The following TFPI2 variants were observed in gnomAD, a reference collection of about 807,000 sequenced individuals.
The protein encoded by TFPI2 is tissue factor pathway inhibitor 2.
TFPI2 carries 23 observed loss-of-function variants against 23.1 expected under a neutral mutation model. That is an observed-to-expected ratio of 1.00 (90% confidence interval 0.72 to 1.41). TFPI2 has a LOEUF of 1.41. Among genes scored for constraint, TFPI2 ranks in the 40% most tolerant of loss-of-function variants. The probability of loss-of-function intolerance (pLI) is 0.00; values close to 1 mark genes in which losing one functional copy is unlikely to be tolerated. For missense variants in TFPI2, 291 were observed against 299.6 expected (o/e 0.97, Z 0.21); for synonymous variants, 119 against 111.7 (o/e 1.07, Z -0.41).
In TFPI2 at chr7:93,890,142, A is replaced by G. The variant is rs1336183455; in HGVS notation, c.266T>C (p.Ile89Thr). Residue 89 changes from isoleucine (I) to threonine (T), a missense_variant, in exon 2 of 5, where the codon ATA (isoleucine) becomes ACA (threonine). By Grantham distance (89) the Ile-to-Thr change is moderately conservative (BLOSUM62 -1). Coordinates refer to ENST00000222543, the MANE Select transcript of TFPI2 (RefSeq NM_006528.4). ...WEACDDACWR[I>T]EKVPKVCRLQ... is the part of the protein sequence containing the mutation. ...GGTGCGCGCAGGGCACTTACTTTCT[A>G]TCCTCCAGCAAGCATCGTCGCAAGC... 8 of 1,600,042 alleles carry G rather than the reference A, an allele frequency of 5.0e-6. 1 individual carries two copies. The highest frequency in any genetic ancestry group is 1.3e-5 in the African/African-American group (1 of 74,630).
chr7:93,890,580 C>A lies in TFPI2; in HGVS notation c.88+11G>T. 1 of 1,612,224 alleles carries A rather than the reference C, an allele frequency of 6.2e-7. No homozygotes were observed. Among genetic ancestry groups the A allele is most frequent in the Non-Finnish European group, 8.5e-7 (1 of 1,179,312 alleles). ...CGGTTGGGGAGAGAAGCTCCTGGAG[C>A]GGCCAGATACCTGTTGGCTCCTGAG... On this transcript the variant is annotated intron_variant, in intron 1 of 4. Transcript: ENST00000222543.
chr7:93,889,263 T>C lies in TFPI2; in HGVS notation c.272-40A>G, dbSNP rs371156420. The C allele has an allele frequency of 3.4e-5, 51 of 1,508,630 alleles. No individual in the cohort carries two copies. In the Middle Eastern group the frequency reaches 5.3e-4, roughly 16 times the overall value. 93.5% of individuals were successfully genotyped at this position (1,508,630 alleles called of 1,614,324 possible). On this transcript the variant is annotated intron_variant, in intron 2 of 4. Coordinates refer to ENST00000222543, the MANE Select transcript of TFPI2 (RefSeq NM_006528.4). Reference sequence around the variant, plus strand: ...GTAATAGAACAATGTTAGTCAAAAGTAGCCTTCTTATTAAACCATCACTGT... The same window carrying C: ...GTAATAGAACAATGTTAGTCAAAAGCAGCCTTCTTATTAAACCATCACTGT...
In TFPI2 at chr7:93,886,913, G is replaced by A. The variant is rs918390332; in HGVS notation, c.632-17C>T. 11 of 1,522,488 alleles carry A rather than the reference G, an allele frequency of 7.2e-6. No homozygotes were observed. The highest frequency in any genetic ancestry group is 2.4e-5 in the East Asian group (1 of 40,878). 94.3% of individuals were successfully genotyped at this position (1,522,488 alleles called of 1,614,324 possible). A position where few individuals can be genotyped will look rare whatever the true frequency, so the allele number is the denominator to read the frequency against. On this transcript the variant is annotated splice_polypyrimidine_tract_variant and intron_variant, in intron 4 of 4. Coordinates refer to ENST00000222543, the MANE Select transcript of TFPI2 (RefSeq NM_006528.4). ...TTTTCAAAGCTAAAATCAATAAAAC[G>A]ACAATGAAAATCATACATCTCCAGT...
In TFPI2 at chr7:93,886,017, T is replaced by C. The variant is rs1793983575; in HGVS notation, c.*803A>G. 6.6e-6 allele frequency: 1 copy of C among 152,072 alleles called. No homozygotes were observed. The highest frequency in any genetic ancestry group is 1.5e-5 in the Non-Finnish European group (1 of 67,916). The allele number at this position is 152,072 out of a possible 1,614,324, so 9.4% of individuals were successfully genotyped here. A position where few individuals can be genotyped will look rare whatever the true frequency, so the allele number is the denominator to read the frequency against. On this transcript the variant is annotated 3_prime_UTR_variant, in exon 5 of 5. Transcript: ENST00000222543. ...AAATTTATGCATGGTTTCTCATGCA[T>C]GGTTTATATAAATAAACACCTTAAA...
intron 1 of TFPI2, 121 bp downstream of exon 1, chr7:93,890,470 A>C: frequency 7.1e-7 from 1 of 1,412,524 alleles, no homozygotes; most frequent in Non-Finnish European, 9.5e-7. Context: ...CCCCCCTGCC[A>C]GCGGAGCGCG....
At chr7:93,889,861 T>G (rs1794089719) in intron 2 of TFPI2, 1 of 317,892 alleles carries the variant, frequency 3.1e-6, no homozygotes, top group Non-Finnish European at 5.7e-6. Context: ...GTTATTCTCT[T>G]GCATTTATTA....
In TFPI2 at chr7:93,886,839, A is replaced by G. The variant is rs1454188777; in HGVS notation, c.689T>C (p.Ile230Thr). The change falls in exon 5 of 5, where the codon ATT becomes ACT. Residue 230 changes from isoleucine (I) to threonine (T), a missense_variant. Transcript: ENST00000222543. ...KLRFASRIRK[I>T]RKKQF ...GAATGTTTAAAATTGCTTCTTCCGA[A>G]TTTTCCGGATTCTACTGGCAAAGCG... The G allele has an allele frequency of 6.4e-7, 1 of 1,554,918 alleles. No individual in the cohort carries two copies. Among genetic ancestry groups the G allele is most frequent in the Admixed American group, 2.2e-5 (1 of 45,258 alleles).
chr7:93,886,945 G>T, intron 4 of TFPI2, 49 bp from the exon 5 acceptor site: 1 of 1,326,714 alleles, frequency 7.5e-7, no homozygotes, highest in Non-Finnish European at 1.0e-6. Context: ...CAGTCTGTAG[G>T]CTCACTATAA....
chr7:93,888,661 G>GAGA (rs1200916209), intron 3 of TFPI2, among the ~76,000 whole-genome samples: 99 of 130,032 alleles, frequency 7.6e-4, no homozygotes, highest in African/African-American at 2.4e-3. Context: ...GAAAGAGAAA[G>GAGA]AAGAAAAAAA....
At position 93,890,673 on chromosome 7, in the gene TFPI2, G is replaced by A. The variant is rs768688442; in HGVS notation, c.6C>T (p.Asp2=). 4 of 1,612,520 alleles carry A rather than the reference G, an allele frequency of 2.5e-6. No individual in the cohort carries two copies. The highest frequency in any genetic ancestry group is 3.3e-4 in the Middle Eastern group (2 of 6,000). ...TCGACAGCCCCAGGGGGCGAGCGGGGTCCATGGTGCAGGGGGTCGGGCGGC... is the reference window on the plus strand; with the variant it reads ...TCGACAGCCCCAGGGGGCGAGCGGGATCCATGGTGCAGGGGGTCGGGCGGC... M[D]PARPLGLSIL... Residue 2 remains aspartate, a synonymous_variant, in exon 1 of 5, where the codon GAC becomes GAT. Coordinates refer to ENST00000222543, the MANE Select transcript of TFPI2 (RefSeq NM_006528.4).
chr7:93,889,939 T>C (rs1000586619), intron 2 of TFPI2, 198 bp downstream of exon 2: 3 of 516,672 alleles, frequency 5.8e-6, no homozygotes, highest in East Asian at 6.6e-5. Flanking sequence ...TCAATGTCAG[T>C]TGGGAGACAG....
chr7:93,887,899 T>C lies in TFPI2; in HGVS notation c.461-468A>G, dbSNP rs373577707. ...TTATATGTACACAAACAAGAGAACA[T>C]CCACAGTAACCATCACCACATTAAC... On this transcript the variant is annotated intron_variant, in intron 3 of 4. Transcript: ENST00000222543. Among the ~76,000 whole-genome samples the C allele has an allele frequency of 1.2e-4, 18 of 152,336 alleles. No individual in the cohort carries two copies. The East Asian group carries it at 3.3e-3, about 28-fold the overall frequency.
chr7:93,890,292 G>C lies in TFPI2; in HGVS notation c.116C>G (p.Pro39Arg). 6.2e-7 allele frequency: 1 copy of C among 1,611,330 alleles called. No individual in the cohort carries two copies. Among genetic ancestry groups the C allele is most frequent in the Non-Finnish European group, 8.5e-7 (1 of 1,178,176 alleles). Residue 39 changes from proline (P) to arginine (R), a missense_variant, in exon 2 of 5, where the codon CCC becomes CGC. Physicochemically the swap from Pro to Arg is moderately radical, Grantham distance 103. Transcript: ENST00000222543. Reference protein sequence around the residue: ...TGNNAEICLLPLDYGPCRALL... With the variant: ...TGNNAEICLLRLDYGPCRALL... ...GGCCCGGCAGGGTCCGTAGTCTAGGGGCAGGAGACAGATCTCCGCGTTATT... is the reference window on the plus strand; with the variant it reads ...GGCCCGGCAGGGTCCGTAGTCTAGGCGCAGGAGACAGATCTCCGCGTTATT...
At chr7:93,887,712 T>C (rs1216945516) in intron 3 of TFPI2, among the ~76,000 whole-genome samples, 1 of 152,164 alleles carries the variant, frequency 6.6e-6, no homozygotes, top group African/African-American at 2.4e-5. Context: ...ATACCAGATA[T>C]GGTTAGGTAA....
chr7:93,890,545 C>T, intron 1 of TFPI2, 46 bp downstream of exon 1: 1 of 1,591,984 alleles, frequency 6.3e-7, no homozygotes, highest in Non-Finnish European at 8.6e-7. Flanking sequence ...GCCCGCTGCG[C>T]CCTCTCCGCC....
chr7:93,887,301 G>A lies in TFPI2; in HGVS notation c.591C>T (p.Asn197=). The change falls in exon 4 of 5, where the codon AAC becomes AAT. Residue 197 remains asparagine (N), a synonymous_variant. Coordinates refer to ENST00000222543, the MANE Select transcript of TFPI2 (RefSeq NM_006528.4). The part of the protein sequence containing the change: ...TYTGCGGNDN[N]FVSREDCKRA... ...GTTTGCAATCCTCCCTGCTAACAAA[G>A]TTATTGTCATTCCCTCCACAGCCAG... 6.2e-7 allele frequency: 1 copy of A among 1,613,008 alleles called. No individual in the cohort carries two copies. Among genetic ancestry groups the A allele is most frequent in the Non-Finnish European group, 8.5e-7 (1 of 1,179,488 alleles).
rs953670626 is a variant in TFPI2, at chr7:93,890,527, G to A, written c.88+64C>T. 10 of 1,546,848 alleles carry A rather than the reference G, an allele frequency of 6.5e-6. No homozygotes were observed. The African/African-American group carries it at 1.2e-4, about 19-fold the overall frequency. On this transcript the variant is annotated intron_variant, in intron 1 of 4. Transcript: ENST00000222543. ...GAGGCTTGGAGGGCGCCTACACGGGGCCCCATGGCCCGCTGCGCCCTCTCC... is the reference window on the plus strand; with the variant it reads ...GAGGCTTGGAGGGCGCCTACACGGGACCCCATGGCCCGCTGCGCCCTCTCC...
Position 93,886,821 on chromosome 7 carries a change from T to C in TFPI2, c.707A>G (p.Ter236=). 1 of 1,551,924 alleles carries C rather than the reference T, an allele frequency of 6.4e-7. No homozygotes were observed. The highest frequency in any genetic ancestry group is 8.6e-7 in the Non-Finnish European group (1 of 1,159,744). ...RIRKIRKKQF[*] is the part of the protein sequence containing the mutation. ...AACAAGATGACATATTAAGAATGTTTAAAATTGCTTCTTCCGAATTTTCCG... is the reference window on the plus strand; with the variant it reads ...AACAAGATGACATATTAAGAATGTTCAAAATTGCTTCTTCCGAATTTTCCG... Residue 236 remains the stop codon, a stop_retained_variant, in exon 5 of 5, where the codon TAA becomes TGA. Transcript: ENST00000222543.
chr7:93,890,535 G>A (rs1709933109), intron 1 of TFPI2, 56 bp downstream of exon 1: 3 of 1,571,592 alleles, frequency 1.9e-6, no homozygotes, highest in South Asian at 2.3e-5. Flanking sequence ...GGGCCCCATG[G>A]CCCGCTGCGC....
Sources: gnomAD v4.1 joint callset for allele counts (sites outside exome capture counted in the v4.1 genomes callset) on GRCh38, gnomAD v4.1.1 for gene constraint, MANE v1.5 for transcripts, NCBI Gene and HGNC (gene_info 2026-07-23, HGNC 2026-07-21) for gene names.